The following QRICH1 variants were observed in gnomAD, a reference collection of about 807,000 sequenced individuals.
The protein encoded by QRICH1 is glutamine rich 1, also known as transcriptional regulator QRICH1.
QRICH1 carries 16 observed loss-of-function variants against 87.1 expected under a neutral mutation model. The ratio of observed to expected loss-of-function variants is 0.18; its 90% confidence interval spans 0.12 to 0.28. The LOEUF (loss-of-function observed/expected upper bound fraction) is 0.28. QRICH1 is among the 10% of genes least tolerant of loss of function. QRICH1 has a pLI of 1.00. For synonymous variants in QRICH1, 367 were observed against 368.4 expected, an observed-to-expected ratio of 1.00 and a Z score of 0.05; for missense variants, 647 against 951.7, an observed-to-expected ratio of 0.68 and a Z score of 4.21.
intron 2 of QRICH1, among the ~76,000 whole-genome samples, chr3:49,074,546 T>A (rs1340198174): frequency 6.6e-6 from 1 of 151,176 alleles, no homozygotes; most frequent in East Asian, 2.0e-4. Context: ...CACTCCAGCC[T>A]GGGGGACAGA....
intron 6 of QRICH1, 122 bp from the exon 7 acceptor site, chr3:49,033,350 T>A: frequency 1.9e-6 from 1 of 516,384 alleles, no homozygotes; most frequent in Non-Finnish European, 3.1e-6. Context: ...GGACTCTCCC[T>A]AAAGTGTGGC....
At chr3:49,077,178 C>A in intron 1 of QRICH1, 140 bp from the exon 2 acceptor site, 1 of 451,024 alleles carries the variant, frequency 2.2e-6, no homozygotes. Flanking sequence ...TATTATACCA[C>A]CTTATTTTTT....
chr3:49,047,059 A>G lies in QRICH1; in HGVS notation c.1516+10T>C, dbSNP rs2093343011. ...TTAGACACAGCCCACTCTTCTTCCAAGACACTCACTCCCAATGGGTGCCAA... is the reference window on the plus strand; with the variant it reads ...TTAGACACAGCCCACTCTTCTTCCAGGACACTCACTCCCAATGGGTGCCAA... On this transcript the variant is annotated intron_variant, in intron 4 of 9. Transcript: ENST00000395443. 3 of 1,604,308 alleles carry G rather than the reference A, an allele frequency of 1.9e-6. No individual in the cohort carries two copies. Among genetic ancestry groups the G allele is most frequent in the Non-Finnish European group, 1.7e-6 (2 of 1,173,288 alleles).
At chr3:49,038,545 G>T (rs970581116) in intron 6 of QRICH1, among the ~76,000 whole-genome samples, 37 of 152,000 alleles carry the variant, frequency 2.4e-4, no homozygotes, top group African/African-American at 8.9e-4. Context: ...CTCCCGAGTA[G>T]CTGGGATTAC....
chr3:49,081,450 T>C (rs1355451195), intron 1 of QRICH1, among the ~76,000 whole-genome samples: 1 of 151,892 alleles, frequency 6.6e-6, no homozygotes, highest in Non-Finnish European at 1.5e-5. Context: ...AGAGTATCTA[T>C]GGAGTTCTCA....
chr3:49,065,590 G>C (rs1361380542), intron 2 of QRICH1, among the ~76,000 whole-genome samples: 1 of 152,002 alleles, frequency 6.6e-6, no homozygotes, highest in African/African-American at 2.4e-5. Context: ...GAATGAAAGT[G>C]AAAAAGGCAA....
intron 3 of QRICH1, among the ~76,000 whole-genome samples, chr3:49,053,174 T>C (rs1041589346): frequency 2.6e-5 from 4 of 152,018 alleles, no homozygotes; most frequent in African/African-American, 9.7e-5. Context: ...AAATCAGGAA[T>C]GTGTAATAAC....
chr3:49,060,725 C>T (rs2093429860), intron 2 of QRICH1, among the ~76,000 whole-genome samples: 2 of 152,222 alleles, frequency 1.3e-5, no homozygotes, highest in Non-Finnish European at 2.9e-5. Context: ...TGAGCATTAC[C>T]ACCTGAGCTC....
At chr3:49,058,876 C>T (rs2106911091) in intron 2 of QRICH1, among the ~76,000 whole-genome samples, 1 of 152,342 alleles carries the variant, frequency 6.6e-6, no homozygotes, top group Non-Finnish European at 1.5e-5. Flanking sequence ...GATCCGCCCA[C>T]CTTGGCCTCC....
intron 1 of QRICH1, among the ~76,000 whole-genome samples, chr3:49,086,261 C>CTT (rs1194960962): frequency 8.5e-5 from 12 of 141,864 alleles, no homozygotes; most frequent in African/African-American, 2.6e-4. Flanking sequence ...TTTTCTTTTT[C>CTT]TTTTTTTTTT....
At chr3:49,081,196 C>A (rs777397998) in intron 1 of QRICH1, among the ~76,000 whole-genome samples, 1 of 151,976 alleles carries the variant, frequency 6.6e-6, no homozygotes, top group Non-Finnish European at 1.5e-5. Context: ...CTGGGTGGAT[C>A]GCCTGAGGGC....
Position 49,093,937 on chromosome 3 carries a change from C to CGCCGCCTCCGCT in QRICH1, c.-59_-48dup. On this transcript the variant is annotated 5_prime_UTR_variant, in exon 1 of 10. Coordinates refer to ENST00000395443, the MANE Select transcript of QRICH1 (RefSeq NM_198880.3). ...CCGGCGACGTCACTGCCGCCGCCGC[C>CGCCGCCTCCGCT]GCCGCCTCCGCTGCACCCGCCGGCC... is the stretch of plus-strand genomic sequence containing the variant. The CGCCGCCTCCGCT allele has an allele frequency of 2.5e-6, 1 of 404,460 alleles. No individual in the cohort carries two copies. 25.1% of individuals were successfully genotyped at this position (404,460 alleles called of 1,614,324 possible).
intron 2 of QRICH1, among the ~76,000 whole-genome samples, chr3:49,061,618 C>T (rs2093435521): frequency 6.6e-6 from 1 of 151,984 alleles, no homozygotes; most frequent in African/African-American, 2.4e-5. Context: ...TGTGGGAGGC[C>T]AAGGTGGGTG....
intron 2 of QRICH1, among the ~76,000 whole-genome samples, chr3:49,062,196 G>A (rs1277611754): frequency 1.3e-5 from 2 of 151,830 alleles, no homozygotes; most frequent in South Asian, 2.1e-4. Flanking sequence ...TTAGCTGGGC[G>A]TGGTTACACA....
At position 49,030,041 on chromosome 3, in the gene QRICH1, T is replaced by G. The variant is rs1224344930; in HGVS notation, c.*411A>C. The G allele has an allele frequency of 3.5e-6, 1 of 288,702 alleles. No individual in the cohort carries two copies. Among genetic ancestry groups the G allele is most frequent in the Non-Finnish European group, 6.4e-6 (1 of 156,726 alleles). 17.9% of individuals were successfully genotyped at this position (288,702 alleles called of 1,614,324 possible). A position where few individuals can be genotyped will look rare whatever the true frequency, so the allele number is the denominator to read the frequency against. On this transcript the variant is annotated 3_prime_UTR_variant, in exon 10 of 10. Coordinates refer to ENST00000395443, the MANE Select transcript of QRICH1 (RefSeq NM_198880.3). Reference sequence around the variant, plus strand: ...AAGAAAGAAAAGAACATCGTTCCCCTGTGGTCAGCAAAGTCTGTCAGCCCA... The same window carrying G: ...AAGAAAGAAAAGAACATCGTTCCCCGGTGGTCAGCAAAGTCTGTCAGCCCA...
At chr3:49,090,458 C>A (rs1428995351) in intron 1 of QRICH1, among the ~76,000 whole-genome samples, 460 of 95,778 alleles carry the variant, frequency 4.8e-3, no homozygotes, top group East Asian at 6.7e-3. Flanking sequence ...GACTACGTCT[C>A]AAAAAAAAAA....
chr3:49,062,372 CTTT>C (rs754228217), intron 2 of QRICH1, among the ~76,000 whole-genome samples: 2 of 124,194 alleles, frequency 1.6e-5, no homozygotes, highest in Non-Finnish European at 1.7e-5. Flanking sequence ...GGTGTAGTCG[CTTT>C]TTTTTTTTTT....
intron 3 of QRICH1, 139 bp from the exon 4 acceptor site, chr3:49,047,385 G>T: frequency 1.2e-6 from 1 of 839,872 alleles, no homozygotes; most frequent in Non-Finnish European, 1.8e-6. Context: ...CTTTTAAGAA[G>T]CTTTGGAGTT....
chr3:49,064,780 C>T (rs1017133858), intron 2 of QRICH1, among the ~76,000 whole-genome samples: 18 of 152,058 alleles, frequency 1.2e-4, no homozygotes, highest in East Asian at 3.9e-4. Context: ...CTTTGGGAGG[C>T]CAAGGCAGGC....
Sources: gnomAD v4.1 joint callset for allele counts (sites outside exome capture counted in the v4.1 genomes callset) on GRCh38, gnomAD v4.1.1 for gene constraint, MANE v1.5 for transcripts, NCBI Gene and HGNC (gene_info 2026-07-23, HGNC 2026-07-21) for gene names.